Variants in KLHL10 observed in about 807,000 individuals in gnomAD.
KLHL10 encodes the protein kelch like family member 10, also known as kelch-like protein 10.
KLHL10 carries 11 observed loss-of-function variants against 46.6 expected under a neutral mutation model. That is an observed-to-expected ratio of 0.24 (90% confidence interval 0.15 to 0.39). The LOEUF is 0.39. Among genes scored for constraint, KLHL10 ranks in the 10% least tolerant of loss-of-function variants. KLHL10 has a pLI of 1.00. For missense variants in KLHL10, 475 were observed against 789.8 expected, an observed-to-expected ratio of 0.60 and a Z score of 4.78; for synonymous variants, 254 against 279.1, an observed-to-expected ratio of 0.91 and a Z score of 0.90.
rs749330316 is a variant in KLHL10, at chr17:41,848,260, C to T, written c.1780C>T (p.Arg594Ter). 6.8e-6 allele frequency: 11 copies of T among 1,613,130 alleles called. No individual in the cohort carries two copies. The highest frequency in any genetic ancestry group is 1.7e-5 in the Admixed American group (1 of 59,954). The change falls in exon 5 of 5, where the codon CGA (arginine) becomes TGA (stop). Residue 594 changes from arginine to a stop codon, truncating the protein, a stop_gained. Coordinates refer to ENST00000293303, the MANE Select transcript of KLHL10 (RefSeq NM_152467.5). LOFTEE classifies it high-confidence loss of function. ...RRDNFPGLALRDEVKYSASTS... is the reference protein window; with the variant it reads ...RRDNFPGLAL ...GGACAACTTCCCAGGATTAGCACTGCGAGATGAAGTAAAATATTCTGCTTC... is the reference window on the plus strand; with the variant it reads ...GGACAACTTCCCAGGATTAGCACTGTGAGATGAAGTAAAATATTCTGCTTC...
chr17:41,838,099 T>C lies in KLHL10; in HGVS notation c.167T>C (p.Ile56Thr). Residue 56 changes from isoleucine to threonine, a missense_variant, in exon 1 of 5, where the codon ATC becomes ACC. By Grantham distance (89) the Ile-to-Thr change is moderately conservative (BLOSUM62 -1). Transcript: ENST00000293303. ...NGFEFSAHKN[I>T]LCSCSSYFRA... Reference sequence around the variant, plus strand: ...TTTGAGTTCAGTGCCCATAAGAACATCCTCTGTAGCTGCAGTTCCTACTTT... The same window carrying C: ...TTTGAGTTCAGTGCCCATAAGAACACCCTCTGTAGCTGCAGTTCCTACTTT... 1 of 1,613,976 alleles carries C rather than the reference T, an allele frequency of 6.2e-7. No individual in the cohort carries two copies. The highest frequency in any genetic ancestry group is 8.5e-7 in the Non-Finnish European group (1 of 1,179,986).
chr17:41,845,635 G>A lies in KLHL10; in HGVS notation c.1194G>A (p.Val398=). The change falls in exon 3 of 5, where the codon GTG becomes GTA. Residue 398 remains valine, a synonymous_variant. Coordinates refer to ENST00000293303, the MANE Select transcript of KLHL10 (RefSeq NM_152467.5). Reference sequence around the variant, plus strand: ...CCATGGGAGGATTTGATGGCTACGTGCGTCTAAACACTGCTGAACGTTATG... The same window carrying A: ...CCATGGGAGGATTTGATGGCTACGTACGTCTAAACACTGCTGAACGTTATG... ...IYAMGGFDGY[V]RLNTAERYEP... The A allele has an allele frequency of 6.2e-7, 1 of 1,613,540 alleles. No homozygotes were observed. Among genetic ancestry groups the A allele is most frequent in the Non-Finnish European group, 8.5e-7 (1 of 1,179,596 alleles).
Position 41,841,804 on chromosome 17 carries a change from GTTTC to G in KLHL10, c.195-11_195-8del. 3.7e-6 allele frequency: 6 copies of G among 1,614,162 alleles called. No individual in the cohort carries two copies. Among genetic ancestry groups the G allele is most frequent in the East Asian group, 2.2e-5 (1 of 44,890 alleles). ...GAGAGAAATGTTTCCGTGGCTGCTAGTTTCTTTCTTTTTTCCAGAGCTTTGTTTA... is the reference window on the plus strand; with the variant it reads ...GAGAGAAATGTTTCCGTGGCTGCTAGTTTCTTTTTTCCAGAGCTTTGTTTA... On this transcript the variant is annotated splice_polypyrimidine_tract_variant and intron_variant, in intron 1 of 4. Coordinates refer to ENST00000293303, the MANE Select transcript of KLHL10 (RefSeq NM_152467.5).
intron 2 of KLHL10, among the ~76,000 whole-genome samples, chr17:41,844,542 A>AT (rs369578859): frequency 0.12 from 14,012 of 113,814 alleles, 1,172 homozygotes; most frequent in African/African-American, 0.18. Flanking sequence ...TGGTTTTTGT[A>AT]TTTTTTTTTT....
At chr17:41,846,503 C>T (rs1264968766) in intron 3 of KLHL10, among the ~76,000 whole-genome samples, 1 of 151,322 alleles carries the variant, frequency 6.6e-6, no homozygotes, top group Non-Finnish European at 1.5e-5. Flanking sequence ...CGCCACTGCA[C>T]TCCAGCCTGA....
At chr17:41,843,962 C>T (rs921698452) in intron 2 of KLHL10, among the ~76,000 whole-genome samples, 6 of 151,688 alleles carry the variant, frequency 4.0e-5, no homozygotes, top group Non-Finnish European at 5.9e-5. Flanking sequence ...GGGGTTTCAC[C>T]GTGTTAGCCA....
chr17:41,845,094 C>T, intron 2 of KLHL10, 32 bp from the exon 3 acceptor site: 2 of 1,614,058 alleles, frequency 1.2e-6, no homozygotes, highest in Non-Finnish European at 1.7e-6. Flanking sequence ...ACTCTCACGT[C>T]ACCTGAATGA....
In KLHL10 at chr17:41,846,967, T is replaced by C. The variant is rs12950278; in HGVS notation, c.1303-294T>C. 0.084 allele frequency among the ~76,000 whole-genome samples: 12,763 copies of C among 152,052 alleles called. 743 individuals carry two copies. The highest frequency in any genetic ancestry group is 0.12 in the Non-Finnish European group (7,908 of 67,986). On this transcript the variant is annotated intron_variant, in intron 3 of 4. Transcript: ENST00000293303. ...TCGTCTCTACTAAAATACAAAAAAT[T>C]AGCGGAGCGTGGCAGTGTGCGCCTG...
chr17:41,845,173 G>A lies in KLHL10; in HGVS notation c.732G>A (p.Lys244=), dbSNP rs1336688744. The A allele has an allele frequency of 6.2e-7, 1 of 1,614,092 alleles. No individual in the cohort carries two copies. Among genetic ancestry groups the A allele is most frequent in the East Asian group, 2.2e-5 (1 of 44,894 alleles). The change falls in exon 3 of 5, where the codon AAG becomes AAA. Residue 244 remains lysine (K), a synonymous_variant. Transcript: ENST00000293303. ...CTGAGTACTTCATGAACAATGTTAA[G>A]ATGAATGACTATGTCAAAGACAGTG... is the stretch of plus-strand genomic sequence containing the variant. ...MHAEYFMNNV[K]MNDYVKDSEE...
chr17:41,847,142 A>G (rs974023005), intron 3 of KLHL10, 119 bp from the exon 4 acceptor site: 1 of 874,648 alleles, frequency 1.1e-6, no homozygotes, highest in Non-Finnish European at 1.9e-6. Flanking sequence ...ATGCACATAC[A>G]AAAAAAAGAA....
At chr17:41,837,076 A>G (rs912822028), upstream of KLHL10, among the ~76,000 whole-genome samples, 11 of 152,166 alleles carry the variant, frequency 7.2e-5, no homozygotes, top group African/African-American at 2.2e-4. Context: ...TGGGAGGATC[A>G]CTTAAGCCCA....
intron 1 of KLHL10, among the ~76,000 whole-genome samples, chr17:41,840,581 T>C (rs1555620614): frequency 6.7e-6 from 1 of 148,718 alleles, no homozygotes; most frequent in Non-Finnish European, 1.5e-5. Context: ...GAGGCAGAGG[T>C]TGCACTGAGC....
At chr17:41,847,011 A>C (rs903989813) in intron 3 of KLHL10, among the ~76,000 whole-genome samples, 2 of 152,146 alleles carry the variant, frequency 1.3e-5, no homozygotes, top group African/African-American at 4.8e-5. Context: ...GCTACTCCAG[A>C]TGCTGAGGCA....
At chr17:41,845,909 G>T in intron 3 of KLHL10, 166 bp downstream of exon 3, 1 of 944,776 alleles carries the variant, frequency 1.1e-6, no homozygotes, top group Non-Finnish European at 1.6e-6. Flanking sequence ...CTTTTATGTT[G>T]TTTATTGAAA....
At chr17:41,842,936 C>CA (rs112291759) in intron 2 of KLHL10, among the ~76,000 whole-genome samples, 5,801 of 128,328 alleles carry the variant, frequency 0.045, 129 homozygotes, top group Non-Finnish European at 0.055. Flanking sequence ...GACTCCATCT[C>CA]AAAAAAAAAA....
chr17:41,836,985 G>T (rs1242012704), upstream of KLHL10, among the ~76,000 whole-genome samples: 146 of 152,146 alleles, frequency 9.6e-4, no homozygotes, highest in African/African-American at 3.4e-3. Context: ...GGGAGACCCG[G>T]GACAGCTTTC....
rs2048227760 is a variant in KLHL10, at chr17:41,841,690, T to G, written c.195-133T>G. The G allele has an allele frequency of 7.9e-6, 8 of 1,016,158 alleles. No individual in the cohort carries two copies. The Admixed American group carries it at 1.5e-4, about 19-fold the overall frequency. 62.9% of individuals were successfully genotyped at this position (1,016,158 alleles called of 1,614,324 possible). On this transcript the variant is annotated intron_variant, in intron 1 of 4. Transcript: ENST00000293303. ...AGGTAAGAGTGACCAAAGTCAGAGT[T>G]CTTGGAAAGGTGTTCTTCTTGTCCA...
At position 41,848,309 on chromosome 17, in the gene KLHL10, C is replaced by T; in HGVS notation, c.*2C>T. On this transcript the variant is annotated 3_prime_UTR_variant, in exon 5 of 5. Transcript: ENST00000293303. The stretch of plus-strand genomic sequence containing the variant: ...TCGACAAGTACCCTACCTGTATGAG[C>T]CTCTTCATTTAGCTAATAAAAAGTC... The T allele has an allele frequency of 6.2e-7, 1 of 1,607,454 alleles. No homozygotes were observed. The highest frequency in any genetic ancestry group is 8.5e-7 in the Non-Finnish European group (1 of 1,179,598).
chr17:41,844,701 A>C (rs538206167), intron 2 of KLHL10, among the ~76,000 whole-genome samples: 1 of 151,912 alleles, frequency 6.6e-6, no homozygotes, highest in African/African-American at 2.4e-5. Flanking sequence ...GGTGCGTGCC[A>C]CCACACTCAG....
Sources: allele counts gnomAD v4.1 joint callset (sites outside exome capture counted in the v4.1 genomes callset), GRCh38; gene constraint gnomAD v4.1.1; transcripts MANE v1.5; gene names NCBI Gene and HGNC (gene_info 2026-07-23, HGNC 2026-07-21).